Variants in SLC24A3 observed in about 807,000 individuals in gnomAD.
SLC24A3 encodes the protein sodium/potassium/calcium exchanger 3.
SLC24A3 carries 28 observed loss-of-function variants against 75.8 expected under a neutral mutation model. The observed-to-expected ratio is 0.37, with a 90% CI of 0.27 to 0.51. The LOEUF is 0.51. SLC24A3 is among the 20% of genes least tolerant of loss of function. The pLI, the probability that SLC24A3 is intolerant of heterozygous loss-of-function variation, is 0.94. For synonymous variants in SLC24A3, 372 were observed against 334.1 expected, an observed-to-expected ratio of 1.11 and a Z score of -1.24; for missense variants, 663 against 847.8, an observed-to-expected ratio of 0.78 and a Z score of 2.71.
chr20:19,523,678 C>T (rs1315379208), intron 3 of SLC24A3, among the ~76,000 whole-genome samples: 1 of 152,198 alleles, frequency 6.6e-6, no homozygotes, highest in Non-Finnish European at 1.5e-5. Context: ...GAATTTTCCA[C>T]TTTAGCTTGT....
chr20:19,536,494 A>G (rs1332461733), intron 3 of SLC24A3, among the ~76,000 whole-genome samples: 1 of 152,170 alleles, frequency 6.6e-6, no homozygotes, highest in African/African-American at 2.4e-5. Context: ...CAAGCTACCA[A>G]TGACTTTCTT....
chr20:19,237,821 T>A (rs945027619), intron 1 of SLC24A3, among the ~76,000 whole-genome samples: 1 of 152,062 alleles, frequency 6.6e-6, no homozygotes, highest in Non-Finnish European at 1.5e-5. Context: ...TCCCCCTTTT[T>A]CCTCGCAGCC....
At position 19,515,506 on chromosome 20, in the gene SLC24A3, A is replaced by G. The variant is rs1568640944; in HGVS notation, c.290A>G (p.Asn97Ser). Residue 97 changes from asparagine (N) to serine (S), a missense_variant, in exon 3 of 17, where the codon AAT becomes AGT. Physicochemically the swap from Asn to Ser is conservative, Grantham distance 46 (BLOSUM62 1). Transcript: ENST00000328041. ...CTEPALHEFP[N>S]DIFTNEDRRQ... ...TCTTTAGCCCTGCATGAATTCCCCAATGACATCTTCACAAACGAGGATAGA... is the reference window on the plus strand; with the variant it reads ...TCTTTAGCCCTGCATGAATTCCCCAGTGACATCTTCACAAACGAGGATAGA... The G allele has an allele frequency of 6.2e-7, 1 of 1,614,102 alleles. No individual in the cohort carries two copies. The highest frequency in any genetic ancestry group is 1.3e-5 in the African/African-American group (1 of 75,038).
intron 1 of SLC24A3, among the ~76,000 whole-genome samples, chr20:19,220,253 G>A (rs913063851): frequency 6.6e-6 from 1 of 152,174 alleles, no homozygotes; most frequent in African/African-American, 2.4e-5. Flanking sequence ...AGGAGAGAGT[G>A]AACAAATAAA....
chr20:19,555,758 T>C (rs548490218), intron 3 of SLC24A3, among the ~76,000 whole-genome samples: 1 of 152,306 alleles, frequency 6.6e-6, no homozygotes, highest in Admixed American at 6.5e-5. Context: ...TGTAAATTAC[T>C]CTGAGTTTTG....
intron 1 of SLC24A3, among the ~76,000 whole-genome samples, chr20:19,261,446 G>A (rs1982984044): frequency 6.6e-6 from 1 of 152,120 alleles, no homozygotes; most frequent in African/African-American, 2.4e-5. Context: ...GGCTCAAGTG[G>A]CTCCCACCTC....
intron 2 of SLC24A3, among the ~76,000 whole-genome samples, chr20:19,371,617 A>T (rs1221670805): frequency 6.6e-6 from 1 of 152,190 alleles, no homozygotes. Flanking sequence ...ATACAGGGAC[A>T]AAATCCCCAC....
chr20:19,427,695 T>C (rs1258709146), intron 2 of SLC24A3, among the ~76,000 whole-genome samples: 1 of 152,194 alleles, frequency 6.6e-6, no homozygotes, highest in Non-Finnish European at 1.5e-5. Context: ...CTCCCAGGCC[T>C]GTCCTGGGCT....
At chr20:19,438,253 G>A (rs761224) in intron 2 of SLC24A3, among the ~76,000 whole-genome samples, 3,420 of 152,266 alleles carry the variant, frequency 0.022, 149 homozygotes, top group African/African-American at 0.078. Flanking sequence ...TAGAAAGAAG[G>A]GGCTTTTCAC....
At chr20:19,696,997 AGGCAGGAGGGAGAAGAGAAAG>A in intron 14 of SLC24A3, 86 bp downstream of exon 14, 1 of 342,916 alleles carries the variant, frequency 2.9e-6, no homozygotes, top group Non-Finnish European at 5.6e-6. Flanking sequence ...GAGGGAAGGA[AGGCAGGAGGGAGAAGAGAAAG>A]GGAGGGAGAA....
intron 2 of SLC24A3, among the ~76,000 whole-genome samples, chr20:19,448,210 GAC>G (rs1242951699): frequency 7.9e-5 from 12 of 152,228 alleles, no homozygotes; most frequent in Admixed American, 7.2e-4. Flanking sequence ...TTCAGAGCCA[GAC>G]ACAGTGCTGG....
intron 8 of SLC24A3, among the ~76,000 whole-genome samples, chr20:19,669,535 C>T (rs2032441053): frequency 1.3e-5 from 2 of 151,976 alleles, no homozygotes; most frequent in African/African-American, 4.8e-5. Context: ...TGTCAGAGGC[C>T]CACATATTAG....
chr20:19,346,937 AG>A (rs769841910), intron 2 of SLC24A3, among the ~76,000 whole-genome samples: 6 of 152,260 alleles, frequency 3.9e-5, no homozygotes, highest in Non-Finnish European at 8.8e-5. Flanking sequence ...CTAATAGAAC[AG>A]GATAGACAGC....
chr20:19,512,866 C>G (rs2029910121), intron 2 of SLC24A3, among the ~76,000 whole-genome samples: 2 of 152,182 alleles, frequency 1.3e-5, no homozygotes, highest in Admixed American at 6.5e-5. Flanking sequence ...CCACTGTACC[C>G]CTCGTTGATG....
intron 6 of SLC24A3, among the ~76,000 whole-genome samples, chr20:19,626,155 A>G (rs371465705): frequency 5.9e-5 from 9 of 152,220 alleles, no homozygotes; most frequent in African/African-American, 2.2e-4. Context: ...ATCAAAATCC[A>G]TCAGAATTCA....
chr20:19,302,714 T>G (rs1984223373), intron 2 of SLC24A3, among the ~76,000 whole-genome samples: 1 of 152,226 alleles, frequency 6.6e-6, no homozygotes, highest in Non-Finnish European at 1.5e-5. Flanking sequence ...TGTTTTACTA[T>G]ATTAATATTT....
intron 2 of SLC24A3, among the ~76,000 whole-genome samples, chr20:19,403,167 A>C (rs180995137): frequency 1.3e-5 from 2 of 152,172 alleles, no homozygotes; most frequent in African/African-American, 4.8e-5. Context: ...CAGTGTCACA[A>C]TTGTACTTTT....
chr20:19,281,232 G>A (rs907673490), intron 2 of SLC24A3, 145 bp downstream of exon 2: 3 of 1,221,694 alleles, frequency 2.5e-6, no homozygotes, highest in African/African-American at 3.0e-5. Flanking sequence ...AAACTTTCAG[G>A]TGACATCCTG....
At chr20:19,498,368 G>T (rs1303403838) in intron 2 of SLC24A3, among the ~76,000 whole-genome samples, 2 of 152,244 alleles carry the variant, frequency 1.3e-5, no homozygotes, top group East Asian at 3.9e-4. Flanking sequence ...TGGTCCCTAT[G>T]CCAAAAAGGT....
Sources: gnomAD v4.1 joint callset for allele counts (sites outside exome capture counted in the v4.1 genomes callset) on GRCh38, gnomAD v4.1.1 for gene constraint, MANE v1.5 for transcripts, NCBI Gene and HGNC (gene_info 2026-07-23, HGNC 2026-07-21) for gene names.